The following PLCZ1 variants were observed in gnomAD, a reference collection of about 807,000 sequenced individuals.
PLCZ1 encodes phospholipase C zeta 1.
A neutral mutation model predicts 76.8 loss-of-function variants in PLCZ1; 64 were observed. That is an observed-to-expected ratio of 0.83 (90% CI 0.68 to 1.03). PLCZ1 has a LOEUF of 1.03. PLCZ1 is among the 50% of genes least tolerant of loss of function. The pLI, the probability that PLCZ1 is intolerant of heterozygous loss-of-function variation, is 0.00. For synonymous variants in PLCZ1, 248 were observed against 230.8 expected (o/e 1.07, Z -0.68); for missense variants, 751 against 713.7 (o/e 1.05, Z -0.60).
At chr12:18,697,237 T>C (rs4764416) in intron 10 of PLCZ1, among the ~76,000 whole-genome samples, 73,481 of 151,878 alleles carry the variant, frequency 0.48, 18,937 homozygotes, top group African/African-American at 0.66. Context: ...CACCTCTCCC[T>C]TCATCCTAAA....
the PLCZ1 span, among the ~76,000 whole-genome samples, chr12:18,646,297 T>C: frequency 2.0e-5 from 3 of 152,156 alleles, no homozygotes; most frequent in Admixed American, 1.3e-4. Flanking sequence ...GAAAATATCA[T>C]TGTGAATGAG....
intron 12 of PLCZ1, among the ~76,000 whole-genome samples, chr12:18,690,734 CA>C (rs1321938321): frequency 6.6e-6 from 1 of 152,028 alleles, no homozygotes; most frequent in Non-Finnish European, 1.5e-5. Context: ...AAAACTGAGT[CA>C]AAATGAAATA....
chr12:18,736,777 T>C, intron 2 of PLCZ1: 1 of 826,098 alleles, frequency 1.2e-6, no homozygotes, highest in African/African-American at 1.8e-5. Flanking sequence ...ATTAGATGAA[T>C]TCCTAATATG....
chr12:18,678,707 G>A, downstream of PLCZ1, among the ~76,000 whole-genome samples: 1 of 152,022 alleles, frequency 6.6e-6, no homozygotes, highest in Middle Eastern at 3.4e-3. Context: ...ACATTAAATA[G>A]TATTGGATAT....
Position 18,712,881 on chromosome 12 carries a change from A to G in PLCZ1, c.675T>C (p.Phe225=). 3 of 1,613,942 alleles carry G rather than the reference A, an allele frequency of 1.9e-6. No individual in the cohort carries two copies. The highest frequency in any genetic ancestry group is 2.5e-6 in the Non-Finnish European group (3 of 1,179,854). The part of the protein sequence containing the change: ...HGYTLTSKLL[F]KTVIQAIHKY... ...TGTGTATAGCTTGGATAACAGTTTT[A>G]AACAGAAGTTTGCTTGTGAGTGTGT... is the stretch of plus-strand genomic sequence containing the variant. The change falls in exon 6 of 15, where the codon TTT becomes TTC. Residue 225 remains phenylalanine, a synonymous_variant. Transcript: ENST00000266505.
chr12:18,708,664 C>T (rs1956924866), intron 6 of PLCZ1, among the ~76,000 whole-genome samples: 1 of 152,086 alleles, frequency 6.6e-6, no homozygotes, highest in Admixed American at 6.5e-5. Flanking sequence ...CCCTCGCCAA[C>T]ATTTGTTATC....
At chr12:18,696,748 G>T (rs1328914176) in intron 10 of PLCZ1, among the ~76,000 whole-genome samples, 1 of 151,972 alleles carries the variant, frequency 6.6e-6, no homozygotes, top group Non-Finnish European at 1.5e-5. Flanking sequence ...CATTTCACAG[G>T]TTCTCAGGGT....
At chr12:18,658,909 TA>T in the PLCZ1 span, among the ~76,000 whole-genome samples, 1 of 152,152 alleles carries the variant, frequency 6.6e-6, no homozygotes, top group African/African-American at 2.4e-5. Flanking sequence ...GAGATTTTTG[TA>T]TTTTTTTTGT....
At chr12:18,648,836 T>C in the PLCZ1 span, among the ~76,000 whole-genome samples, 1 of 152,154 alleles carries the variant, frequency 6.6e-6, no homozygotes, top group Admixed American at 6.6e-5. Flanking sequence ...TAAAATTTAA[T>C]GCACTATGCC....
chr12:18,713,434 T>C (rs1315059889), intron 5 of PLCZ1, among the ~76,000 whole-genome samples: 1 of 152,166 alleles, frequency 6.6e-6, no homozygotes, highest in Non-Finnish European at 1.5e-5. Flanking sequence ...TATCTAATTC[T>C]TTCCTCATGT....
intron 1 of PLCZ1, 108 bp from the exon 2 acceptor site, chr12:18,737,617 C>A (rs1959529187): frequency 8.1e-6 from 5 of 615,134 alleles, no homozygotes; most frequent in Admixed American, 7.5e-5. Context: ...CCTGCACTAC[C>A]CTGCCCTTGA....
At chr12:18,728,041 T>C (rs751879666) in intron 3 of PLCZ1, among the ~76,000 whole-genome samples, 3 of 151,960 alleles carry the variant, frequency 2.0e-5, no homozygotes, top group Non-Finnish European at 4.4e-5. Context: ...AGCAAAGAAA[T>C]AAAGGAGGAA....
At chr12:18,665,570 A>G in the PLCZ1 span, among the ~76,000 whole-genome samples, 1 of 152,168 alleles carries the variant, frequency 6.6e-6, no homozygotes, top group African/African-American at 2.4e-5. Context: ...AGGCAGGCAG[A>G]TCACCTGAGG....
chr12:18,701,555 G>C lies in PLCZ1; in HGVS notation c.963C>G (p.Asp321Glu). The change falls in exon 9 of 15, where the codon GAC (aspartate) becomes GAG (glutamate). Residue 321 changes from aspartate to glutamate, a missense_variant. Asp to Glu is a conservative substitution (Grantham distance 45). Transcript: ENST00000266505. ...GTAACTTTTTTACCCCTGTTTCCTTGTCTTGATTGTCTCCTAAAACAGATT... is the reference window on the plus strand; with the variant it reads ...GTAACTTTTTTACCCCTGTTTCCTTCTCTTGATTGTCTCCTAAAACAGATT... ...KGSDKRGDNQ[D>E]KETGVKKLPG... The C allele has an allele frequency of 6.2e-7, 1 of 1,613,402 alleles. No homozygotes were observed. The highest frequency in any genetic ancestry group is 8.5e-7 in the Non-Finnish European group (1 of 1,179,898).
chr12:18,736,351 G>A lies in PLCZ1; in HGVS notation c.12-7C>T. On this transcript the variant is annotated splice_polypyrimidine_tract_variant and splice_region_variant and intron_variant, in intron 2 of 14. Coordinates refer to ENST00000266505, the MANE Select transcript of PLCZ1 (RefSeq NM_033123.4). ...AATCTTTGACAAAAACCATGTAGAA[G>A]CACAAAAAAGTTAAGGAAATTCTCA... is the stretch of plus-strand genomic sequence containing the variant. The A allele has an allele frequency of 6.2e-7, 1 of 1,609,478 alleles. No individual in the cohort carries two copies. Among genetic ancestry groups the A allele is most frequent in the Non-Finnish European group, 8.5e-7 (1 of 1,178,208 alleles).
At chr12:18,674,132 GA>G in the PLCZ1 span, among the ~76,000 whole-genome samples, 2 of 152,124 alleles carry the variant, frequency 1.3e-5, no homozygotes, top group Non-Finnish European at 2.9e-5. Context: ...ATATTAGAGG[GA>G]AAAGCATATA....
At chr12:18,721,421 T>A (rs1348325561) in intron 4 of PLCZ1, among the ~76,000 whole-genome samples, 1 of 151,890 alleles carries the variant, frequency 6.6e-6, no homozygotes, top group African/African-American at 2.4e-5. Flanking sequence ...TGTTGGAGAG[T>A]ATTTGAGGCA....
At chr12:18,683,476 A>G in intron 14 of PLCZ1, 152 bp from the exon 15 acceptor site, 2 of 1,471,848 alleles carry the variant, frequency 1.4e-6, no homozygotes, top group South Asian at 1.2e-5. Flanking sequence ...AATCTTCCAC[A>G]AAAATTAAAT....
At chr12:18,670,116 G>A in the PLCZ1 span, among the ~76,000 whole-genome samples, 1 of 152,196 alleles carries the variant, frequency 6.6e-6, no homozygotes, top group East Asian at 1.9e-4. Context: ...GGGAATGTTT[G>A]GAGAGGACAT....
Sources: gnomAD v4.1 joint callset for allele counts (sites outside exome capture counted in the v4.1 genomes callset) on GRCh38, gnomAD v4.1.1 for gene constraint, MANE v1.5 for transcripts, NCBI Gene and HGNC (gene_info 2026-07-23, HGNC 2026-07-21) for gene names.